ZFPM2: variants seen among roughly 807,000 people sequenced by gnomAD.
The protein encoded by ZFPM2 is zinc finger protein, FOG family member 2, also known as zinc finger protein ZFPM2.
A neutral mutation model predicts 98.6 loss-of-function variants in ZFPM2; 20 were observed. That is an observed-to-expected ratio of 0.20 (90% CI 0.14 to 0.29). ZFPM2 has a LOEUF of 0.29. Ranked by LOEUF, ZFPM2 falls within the 10% of genes least tolerant of loss-of-function variation. The probability of loss-of-function intolerance (pLI) is 1.00; values close to 1 mark genes in which losing one functional copy is unlikely to be tolerated. For synonymous variants in ZFPM2, 518 were observed against 502.7 expected (o/e 1.03, Z -0.41); for missense variants, 1,310 against 1,388.6 (o/e 0.94, Z 0.90).
At chr8:105,728,932 T>C (rs1811870298) in intron 5 of ZFPM2, among the ~76,000 whole-genome samples, 1 of 151,704 alleles carries the variant, frequency 6.6e-6, no homozygotes, top group Non-Finnish European at 1.5e-5. Context: ...CTCATTTAAT[T>C]TGCAGAACTG....
chr8:105,626,389 A>G lies in ZFPM2; in HGVS notation c.421-7857A>G, dbSNP rs554277638. Among the ~76,000 whole-genome samples the G allele has an allele frequency of 1.2e-4, 19 of 152,234 alleles. No homozygotes were observed. In the South Asian group the frequency reaches 3.9e-3, roughly 32 times the overall value. ...ATAGTTAAAAGGAGAGTGATACAATATTTTCCTGACTGTCAGATTGAATTT... is the reference window on the plus strand; with the variant it reads ...ATAGTTAAAAGGAGAGTGATACAATGTTTTCCTGACTGTCAGATTGAATTT... On this transcript the variant is annotated intron_variant, in intron 4 of 7. Coordinates refer to ENST00000407775, the MANE Select transcript of ZFPM2 (RefSeq NM_012082.4).
At chr8:105,791,846 C>T (rs988186305) in intron 6 of ZFPM2, among the ~76,000 whole-genome samples, 1 of 152,118 alleles carries the variant, frequency 6.6e-6, no homozygotes, top group African/African-American at 2.4e-5. Context: ...GGAATTTATC[C>T]ATTTCTTCTA....
At chr8:105,454,253 G>A (rs1812544268) in intron 3 of ZFPM2, among the ~76,000 whole-genome samples, 1 of 150,054 alleles carries the variant, frequency 6.7e-6, no homozygotes, top group South Asian at 2.1e-4. Flanking sequence ...TTCTAAATTG[G>A]GTAGATTGCA....
chr8:105,754,502 C>T lies in ZFPM2; in HGVS notation c.533-34216C>T, dbSNP rs545644247. Among the ~76,000 whole-genome samples the T allele has an allele frequency of 7.2e-5, 11 of 152,130 alleles. No individual in the cohort carries two copies. In the South Asian group the frequency reaches 2.3e-3, roughly 32 times the overall value. On this transcript the variant is annotated intron_variant, in intron 5 of 7. Transcript: ENST00000407775. ...AGATGAAAAGTTCAAGATGAGGTGA[C>T]ATCAATGGAAATTCTCTGAATAAAA...
rs564960582 is a variant in ZFPM2 at position 105,520,769 on chromosome 8, T to C, written c.302-40594T>C. 2.6e-5 allele frequency among the ~76,000 whole-genome samples: 4 copies of C among 152,122 alleles called. No individual in the cohort carries two copies. The South Asian group carries it at 8.3e-4, about 32-fold the overall frequency. On this transcript the variant is annotated intron_variant, in intron 3 of 7. Coordinates refer to ENST00000407775, the MANE Select transcript of ZFPM2 (RefSeq NM_012082.4). ...GGTTTTTGAGGTGGACTTTGAAGTA[T>C]GAGTAATTGATAGAGAGATATTTTG...
intron 5 of ZFPM2, among the ~76,000 whole-genome samples, chr8:105,726,315 T>G (rs1174645943): frequency 6.6e-6 from 1 of 151,824 alleles, no homozygotes; most frequent in Non-Finnish European, 1.5e-5. Context: ...TACTTAGCAC[T>G]CTATAAAAGT....
At chr8:105,550,554 G>A (rs1446252251) in intron 3 of ZFPM2, among the ~76,000 whole-genome samples, 1 of 152,078 alleles carries the variant, frequency 6.6e-6, no homozygotes, top group Non-Finnish European at 1.5e-5. Context: ...CAGGTAGAAA[G>A]CATTGTGGAG....
intron 3 of ZFPM2, among the ~76,000 whole-genome samples, chr8:105,452,590 A>C (rs945098638): frequency 2.0e-5 from 3 of 151,936 alleles, no homozygotes; most frequent in Non-Finnish European, 4.4e-5. Context: ...TTCTACAAAA[A>C]ATTAAAAAAA....
intron 3 of ZFPM2, among the ~76,000 whole-genome samples, chr8:105,494,189 A>ATATATATATATATATATATG (rs1190993428): frequency 2.0e-5 from 1 of 51,128 alleles, no homozygotes; most frequent in Non-Finnish European, 3.9e-5. Flanking sequence ...AAAAGTATAT[A>ATATATATATATATATATATG]TATATATATA....
chr8:105,472,558 A>G (rs1346716358), intron 3 of ZFPM2, among the ~76,000 whole-genome samples: 2 of 152,254 alleles, frequency 1.3e-5, no homozygotes, highest in Non-Finnish European at 2.9e-5. Context: ...GCTGGAGTGC[A>G]GTGGCGTGAA....
intron 5 of ZFPM2, among the ~76,000 whole-genome samples, chr8:105,659,582 CA>C (rs985966904): frequency 6.6e-5 from 10 of 152,224 alleles, no homozygotes; most frequent in African/African-American, 2.4e-4. Flanking sequence ...CTAGGTTTTA[CA>C]AAAGGTTTCT....
chr8:105,772,539 A>G (rs1352776829), intron 5 of ZFPM2, among the ~76,000 whole-genome samples: 1 of 152,164 alleles, frequency 6.6e-6, no homozygotes, highest in African/African-American at 2.4e-5. Flanking sequence ...GATACTTTGT[A>G]AAGGGTTACC....
intron 5 of ZFPM2, among the ~76,000 whole-genome samples, chr8:105,708,248 AT>A (rs1427211314): frequency 6.6e-6 from 1 of 152,192 alleles, no homozygotes; most frequent in African/African-American, 2.4e-5. Context: ...ATTACATCAC[AT>A]TAATTATGAA....
rs369717322 is a variant in ZFPM2, at chr8:105,526,883, A to G, written c.302-34480A>G. Reference sequence around the variant, plus strand: ...CTCCCTTTTTCTCTCTTCTTGTAACATGGGTCTCATCCTGTCCTTCACATC... The same window carrying G: ...CTCCCTTTTTCTCTCTTCTTGTAACGTGGGTCTCATCCTGTCCTTCACATC... On this transcript the variant is annotated intron_variant, in intron 3 of 7. Transcript: ENST00000407775. Among the ~76,000 whole-genome samples the G allele has an allele frequency of 5.9e-5, 9 of 152,220 alleles. No homozygotes were observed. The East Asian group carries it at 1.5e-3, about 26-fold the overall frequency.
In ZFPM2 at chr8:105,794,886, C is replaced by T. The variant is rs111872492; in HGVS notation, c.740-3838C>T. Among the ~76,000 whole-genome samples, 462 of 152,336 alleles carry T rather than the reference C, an allele frequency of 3.0e-3. 1 individual carries two copies. Among genetic ancestry groups the T allele is most frequent in the African/African-American group, 7.5e-3 (311 of 41,588 alleles). The stretch of plus-strand genomic sequence containing the variant: ...CCGTGGGCATAGGACCCTCCAAGCC[C>T]GGTGCAGGATATAATCTCCTGGTGC... On this transcript the variant is annotated intron_variant, in intron 6 of 7. Coordinates refer to ENST00000407775, the MANE Select transcript of ZFPM2 (RefSeq NM_012082.4).
At chr8:105,496,772 C>A (rs533601750) in intron 3 of ZFPM2, among the ~76,000 whole-genome samples, 1 of 148,972 alleles carries the variant, frequency 6.7e-6, no homozygotes, top group African/African-American at 2.4e-5. Flanking sequence ...CACCTGAGCC[C>A]GGGAGTTTGA....
intron 5 of ZFPM2, among the ~76,000 whole-genome samples, chr8:105,777,556 C>T (rs1338154089): frequency 1.2e-4 from 18 of 152,130 alleles, no homozygotes. Flanking sequence ...GGAGTGCCAG[C>T]ATGGGAAAGT....
intron 3 of ZFPM2, among the ~76,000 whole-genome samples, chr8:105,548,671 A>T (rs1393503644): frequency 6.6e-6 from 1 of 152,160 alleles, no homozygotes; most frequent in Non-Finnish European, 1.5e-5. Context: ...AAGATGGTGT[A>T]TATTGCTTTA....
intron 1 of ZFPM2, among the ~76,000 whole-genome samples, chr8:105,320,165 G>C (rs1811995889): frequency 6.6e-6 from 1 of 151,644 alleles, no homozygotes; most frequent in Non-Finnish European, 1.5e-5. Flanking sequence ...ATTCTATTTG[G>C]TGTAGTTTAA....
Sources: gnomAD v4.1 joint callset for allele counts (sites outside exome capture counted in the v4.1 genomes callset) on GRCh38, gnomAD v4.1.1 for gene constraint, MANE v1.5 for transcripts, NCBI Gene and HGNC (gene_info 2026-07-23, HGNC 2026-07-21) for gene names.